The following EDARADD variants were observed in gnomAD, a reference collection of about 807,000 sequenced individuals.
EDARADD encodes EDAR associated via death domain.
EDARADD carries 20 observed loss-of-function variants against 25.6 expected under a neutral mutation model. The ratio of observed to expected loss-of-function variants is 0.78; its 90% CI spans 0.55 to 1.14. The LOEUF (loss-of-function observed/expected upper bound fraction) is 1.14, where lower values mean the gene tolerates loss of function less well. Among genes scored for constraint, EDARADD ranks in the 50% most tolerant of loss-of-function variants. EDARADD has a pLI of 0.00. For missense variants in EDARADD, 225 were observed against 270.1 expected (o/e 0.83, Z 1.17); for synonymous variants, 86 against 94.4 (o/e 0.91, Z 0.52).
chr1:236,483,161 C>A lies in EDARADD; in HGVS notation c.*512C>A. On this transcript the variant is annotated 3_prime_UTR_variant, in exon 6 of 6. Transcript: ENST00000334232. Reference sequence around the variant, plus strand: ...CAATGAGACCCAGTGGCTAGAAATTCACCATGTCTATTCTCAAGATCCATG... The same window carrying A: ...CAATGAGACCCAGTGGCTAGAAATTAACCATGTCTATTCTCAAGATCCATG... 6.5e-7 allele frequency: 1 copy of A among 1,543,110 alleles called. No homozygotes were observed. The highest frequency in any genetic ancestry group is 8.9e-7 in the Non-Finnish European group (1 of 1,118,650).
rs1279905852 is a variant in EDARADD, at chr1:236,395,668, GAC to G, written c.61+1167_61+1168del. The G allele has an allele frequency of 3.2e-6, 5 of 1,570,508 alleles. No individual in the cohort carries two copies. Among genetic ancestry groups the G allele is most frequent in the African/African-American group, 2.7e-5 (2 of 74,068 alleles). ...ACGACCCTCTGCGCGCAGGTAAAGG[GAC>G]ACAGCGCCGCGCCCGCTCCTGGAGC... On this transcript the variant is annotated intron_variant, in intron 1 of 5. Coordinates refer to ENST00000334232, the MANE Select transcript of EDARADD (RefSeq NM_145861.4). This position sits in a 1 kb window ranked among gnomAD's most constrained non-coding sequence, Gnocchi z 6.9.
At chr1:236,405,796 T>TTTTC (rs1323039739) in intron 1 of EDARADD, among the ~76,000 whole-genome samples, 28 of 110,618 alleles carry the variant, frequency 2.5e-4, no homozygotes, top group African/African-American at 8.5e-4. Flanking sequence ...TTTCTTTTCT[T>TTTTC]TTTCTTTCTT....
At chr1:236,379,292 C>G (rs977681541) in intron 3 of EDARADD, among the ~76,000 whole-genome samples, 1 of 151,934 alleles carries the variant, frequency 6.6e-6, no homozygotes, top group African/African-American at 2.4e-5. Context: ...ATCGCTTGAA[C>G]CTGGGAGGCG....
chr1:236,379,908 C>G (rs1470320199), intron 3 of EDARADD, among the ~76,000 whole-genome samples: 2 of 152,156 alleles, frequency 1.3e-5, no homozygotes, highest in Non-Finnish European at 2.9e-5. Context: ...CTAAATTTAT[C>G]TCTGTGCTAA....
chr1:236,467,805 C>T (rs1182958845), intron 4 of EDARADD, among the ~76,000 whole-genome samples: 2 of 151,480 alleles, frequency 1.3e-5, no homozygotes, highest in African/African-American at 2.4e-5. Context: ...TCTTTCAGGC[C>T]GAAGTACAGT....
At chr1:236,436,009 A>T (rs1658239670) in intron 4 of EDARADD, among the ~76,000 whole-genome samples, 1 of 152,092 alleles carries the variant, frequency 6.6e-6, no homozygotes, top group Non-Finnish European at 1.5e-5. Flanking sequence ...TGCATTTTAA[A>T]AGTAAAAACC....
At chr1:236,354,863 G>T (rs1666956303) in intron 3 of EDARADD, among the ~76,000 whole-genome samples, 1 of 152,072 alleles carries the variant, frequency 6.6e-6, no homozygotes, top group African/African-American at 2.4e-5. Flanking sequence ...AGTGAACATG[G>T]GATGGATATT....
rs536192408 is a variant in EDARADD at position 236,410,740 on chromosome 1, G to A, written c.120+1466G>A. Among the ~76,000 whole-genome samples, 12 of 152,308 alleles carry A rather than the reference G, an allele frequency of 7.9e-5. No homozygotes were observed. The East Asian group carries it at 9.6e-4, about 12-fold the overall frequency. ...TTTGGTTAACTGATTTAGTTACAGC[G>A]ACACAGAATACACTTCATGTAATTC... On this transcript the variant is annotated intron_variant, in intron 2 of 5. Transcript: ENST00000334232.
chr1:236,403,630 C>G (rs1048226466), intron 1 of EDARADD, among the ~76,000 whole-genome samples: 1 of 152,190 alleles, frequency 6.6e-6, no homozygotes, highest in Non-Finnish European at 1.5e-5. Flanking sequence ...CTTGGAGGTG[C>G]TCTTTGACCC....
intron 5 of EDARADD, among the ~76,000 whole-genome samples, chr1:236,469,092 T>C (rs1319534296): frequency 6.6e-6 from 1 of 152,190 alleles, no homozygotes; most frequent in African/African-American, 2.4e-5. Context: ...CCCGCTCCCC[T>C]TTTTTAATCA....
chr1:236,483,812 C>T lies in EDARADD; in HGVS notation c.*1163C>T. 4 of 1,437,934 alleles carry T rather than the reference C, an allele frequency of 2.8e-6. No homozygotes were observed. Among genetic ancestry groups the T allele is most frequent in the Non-Finnish European group, 3.9e-6 (4 of 1,021,712 alleles). 89.1% of individuals were successfully genotyped at this position (1,437,934 alleles called of 1,614,324 possible). On this transcript the variant is annotated 3_prime_UTR_variant, in exon 6 of 6. Transcript: ENST00000334232. The stretch of plus-strand genomic sequence containing the variant: ...GGGATGGAGGCGCGTTTGCTCCCAA[C>T]ATCCTGGAGAATAAAGAAGGCCTGG...
At chr1:236,409,184 G>A (rs561106854) in intron 1 of EDARADD, 32 bp from the exon 2 acceptor site, 19 of 1,572,390 alleles carry the variant, frequency 1.2e-5, no homozygotes, top group Admixed American at 8.5e-5. Flanking sequence ...AAGCAAACCC[G>A]CTCTATTTGT....
chr1:236,439,702 T>C (rs1222369553), intron 4 of EDARADD, among the ~76,000 whole-genome samples: 1 of 152,242 alleles, frequency 6.6e-6, no homozygotes, highest in African/African-American at 2.4e-5. Context: ...CAGGTTATGT[T>C]CTTATTGTTG....
At chr1:236,367,084 C>CAAAAAAAAA (rs753983803) in intron 3 of EDARADD, among the ~76,000 whole-genome samples, 1 of 61,956 alleles carries the variant, frequency 1.6e-5, no homozygotes, top group Non-Finnish European at 3.0e-5. Flanking sequence ...ACTCCATCGC[C>CAAAAAAAAA]AAAAAAAAAA....
intron 5 of EDARADD, among the ~76,000 whole-genome samples, chr1:236,472,633 A>G (rs1376492112): frequency 6.6e-6 from 1 of 152,132 alleles, no homozygotes; most frequent in Admixed American, 6.5e-5. Flanking sequence ...GGCTCAAGCA[A>G]TTCTCCTGAA....
intron 4 of EDARADD, among the ~76,000 whole-genome samples, chr1:236,434,790 G>A (rs1015128230): frequency 2.8e-4 from 42 of 152,012 alleles, no homozygotes; most frequent in Admixed American, 2.5e-3. Context: ...AGGGGTGGGT[G>A]GTGGAAGGTA....
chr1:236,428,491 C>T (rs1305514593), intron 4 of EDARADD, among the ~76,000 whole-genome samples: 1 of 152,108 alleles, frequency 6.6e-6, no homozygotes, highest in Non-Finnish European at 1.5e-5. Flanking sequence ...TTGGGTACAC[C>T]GCCCAGACGG....
intron 3 of EDARADD, among the ~76,000 whole-genome samples, chr1:236,367,134 G>T (rs1182713146): frequency 7.7e-6 from 1 of 129,624 alleles, no homozygotes; most frequent in Non-Finnish European, 1.6e-5. Context: ...CATTTTCACA[G>T]ATCTTCCCTG....
At position 236,482,250 on chromosome 1, in the gene EDARADD, A is replaced by T; in HGVS notation, c.266-17A>T. 6.2e-7 allele frequency: 1 copy of T among 1,614,166 alleles called. No homozygotes were observed. The highest frequency in any genetic ancestry group is 8.5e-7 in the Non-Finnish European group (1 of 1,180,028). ...GGCCTCTTGTTGACCTGTGGACTAA[A>T]TTGTTTCTCCCTGCAGAGATCAGCA... On this transcript the variant is annotated splice_polypyrimidine_tract_variant and intron_variant, in intron 5 of 5. Transcript: ENST00000334232.
Sources: allele counts gnomAD v4.1 joint callset (sites outside exome capture counted in the v4.1 genomes callset), GRCh38; gene constraint gnomAD v4.1.1; non-coding constraint Gnocchi (gnomAD v3.1); transcripts MANE v1.5; gene names NCBI Gene and HGNC (gene_info 2026-07-23, HGNC 2026-07-21).